TRPM8: variants seen among roughly 807,000 people sequenced by gnomAD.
TRPM8 encodes the protein transient receptor potential cation channel subfamily M member 8.
TRPM8 carries 110 observed loss-of-function variants against 133.7 expected under a neutral mutation model. The observed-to-expected ratio is 0.82, with a 90% CI of 0.70 to 0.96. TRPM8 has a LOEUF of 0.96. Ranked by LOEUF, TRPM8 falls within the 40% of genes least tolerant of loss-of-function variation. The pLI, the probability that TRPM8 is intolerant of heterozygous loss-of-function variation, is 0.00. For missense variants in TRPM8, 1,291 were observed against 1,379.5 expected, an observed-to-expected ratio of 0.94 and a Z score of 1.02; for synonymous variants, 535 against 532.3, an observed-to-expected ratio of 1.01 and a Z score of -0.07.
chr2:233,945,937 C>A lies in TRPM8; in HGVS notation c.781C>A (p.Leu261Met), dbSNP rs1691032447. The A allele has an allele frequency of 6.2e-7, 1 of 1,614,032 alleles. No homozygotes were observed. The highest frequency in any genetic ancestry group is 1.7e-5 in the Admixed American group (1 of 59,994). ...CCTGGACAACAACCACACACATTTG[C>A]TGCTCGTGGACAATGGCTGTCATGG... is the stretch of plus-strand genomic sequence containing the variant. ...YILDNNHTHL[L>M]LVDNGCHGHP... Residue 261 changes from leucine (L) to methionine (M), a missense_variant, in exon 7 of 26, where the codon CTG (leucine) becomes ATG (methionine). This residue lies in a region of TRPM8 where 963 missense variants were observed against 968.9 expected (regional missense o/e 0.99). Coordinates refer to ENST00000324695, the MANE Select transcript of TRPM8 (RefSeq NM_024080.5).
At chr2:233,964,840 T>C (rs1003815802) in intron 14 of TRPM8, 83 bp downstream of exon 14, 1 of 1,432,008 alleles carries the variant, frequency 7.0e-7, no homozygotes, top group Non-Finnish European at 9.4e-7. Context: ...ATAGACCAGA[T>C]GGTGGAGGTC....
chr2:233,981,499 T>A (rs973982678), intron 18 of TRPM8, among the ~76,000 whole-genome samples: 1 of 152,108 alleles, frequency 6.6e-6, no homozygotes, highest in African/African-American at 2.4e-5. Flanking sequence ...GTTCCTGCTG[T>A]AGTGTGTGAG....
In TRPM8 at chr2:233,945,872, A is replaced by G. The variant is rs760205900; in HGVS notation, c.716A>G (p.Gln239Arg). Reference sequence around the variant, plus strand: ...ACTTTTCAGGGCTATTTTTTAGCCCAGTACCTTATGGATGACTTCACAAGA... The same window carrying G: ...ACTTTTCAGGGCTATTTTTTAGCCCGGTACCTTATGGATGACTTCACAAGA... ...NCDAEGYFLAQYLMDDFTRDP... is the reference protein window; with the variant it reads ...NCDAEGYFLARYLMDDFTRDP... The change falls in exon 7 of 26, where the codon CAG (glutamine) becomes CGG (arginine). Residue 239 changes from glutamine (Q) to arginine (R), a missense_variant. By Grantham distance (43) the Gln-to-Arg change is conservative. Transcript: ENST00000324695. 2.5e-6 allele frequency: 4 copies of G among 1,613,774 alleles called. No homozygotes were observed. The highest frequency in any genetic ancestry group is 3.4e-6 in the Non-Finnish European group (4 of 1,179,794).
chr2:234,016,602 T>A (rs1317311875), intron 25 of TRPM8, among the ~76,000 whole-genome samples: 1 of 152,144 alleles, frequency 6.6e-6, no homozygotes. Flanking sequence ...CCTGTACCAA[T>A]TCCCCCATCT....
rs1215407174 is a variant in TRPM8 at position 233,987,944 on chromosome 2, C to T, written c.2939+2079C>T. Among the ~76,000 whole-genome samples, 3 of 151,826 alleles carry T rather than the reference C, an allele frequency of 2.0e-5. 1 individual carries two copies. The highest frequency in any genetic ancestry group is 4.1e-4 in the South Asian group (2 of 4,824). On this transcript the variant is annotated intron_variant, in intron 21 of 25. Coordinates refer to ENST00000324695, the MANE Select transcript of TRPM8 (RefSeq NM_024080.5). ...ATCATGATTGTGAGGCCTCCCCAGC[C>T]ACGTGGAACTGTGAGTCCATTAAAC...
At chr2:233,948,593 T>A (rs1691099051) in intron 8 of TRPM8, among the ~76,000 whole-genome samples, 1 of 152,218 alleles carries the variant, frequency 6.6e-6, no homozygotes, top group Admixed American at 6.5e-5. Flanking sequence ...GAATGAAGAT[T>A]TCTTGGCCTA....
intron 24 of TRPM8, among the ~76,000 whole-genome samples, chr2:234,009,730 CCTT>C (rs1692788092): frequency 1.3e-5 from 2 of 152,256 alleles, no homozygotes; most frequent in Admixed American, 6.5e-5. Flanking sequence ...AAAAATCCCT[CCTT>C]CTTTTTACTC....
At chr2:233,979,229 T>C (rs1691945652) in intron 17 of TRPM8, among the ~76,000 whole-genome samples, 2 of 152,256 alleles carry the variant, frequency 1.3e-5, no homozygotes, top group Non-Finnish European at 2.9e-5. Flanking sequence ...GGTTTCCATA[T>C]GTGAATTCAC....
chr2:233,946,777 T>C lies in TRPM8; in HGVS notation c.875-311T>C, dbSNP rs111846710. 8.4e-3 allele frequency among the ~76,000 whole-genome samples: 1,286 copies of C among 152,342 alleles called. 12 individuals are homozygous for C. Among genetic ancestry groups the C allele is most frequent in the African/African-American group, 0.027 (1,132 of 41,580 alleles). ...TAGGATTATAGGAAAGCATCATTAT[T>C]ATAAGGATAAACTTAAACCTAGTTT... On this transcript the variant is annotated intron_variant, in intron 7 of 25. Transcript: ENST00000324695.
chr2:233,984,386 G>A (rs193145457), intron 20 of TRPM8, among the ~76,000 whole-genome samples: 46 of 152,196 alleles, frequency 3.0e-4, no homozygotes, highest in African/African-American at 1.0e-3. Flanking sequence ...TAATAAAAGG[G>A]TCTTGATGCC....
At chr2:234,016,448 GC>G (rs1025392055) in intron 25 of TRPM8, among the ~76,000 whole-genome samples, 2 of 152,152 alleles carry the variant, frequency 1.3e-5, no homozygotes, top group Admixed American at 1.3e-4. Flanking sequence ...GGTATGCTCT[GC>G]CAGTGTCTCC....
chr2:233,919,398 A>G (rs1691366813), intron 1 of TRPM8, among the ~76,000 whole-genome samples: 1 of 152,078 alleles, frequency 6.6e-6, no homozygotes, highest in Non-Finnish European at 1.5e-5. Context: ...ATGACAATCT[A>G]TTTCTTCTCA....
At chr2:233,957,492 A>G (rs1574723291) in intron 11 of TRPM8, among the ~76,000 whole-genome samples, 1 of 152,204 alleles carries the variant, frequency 6.6e-6, no homozygotes, top group East Asian at 1.9e-4. Context: ...TTGTCTCAAA[A>G]CAAACAAACA....
chr2:233,926,383 C>T (rs1691515888), intron 1 of TRPM8, 150 bp from the exon 2 acceptor site: 2 of 654,374 alleles, frequency 3.1e-6, no homozygotes, highest in Non-Finnish European at 5.5e-6. Flanking sequence ...GGGGCAGAGG[C>T]ACAATGACCA....
Position 234,018,215 on chromosome 2 carries a change from A to G in TRPM8, c.*959A>G, listed in dbSNP as rs1414589012. 6.6e-6 allele frequency: 1 copy of G among 152,056 alleles called. No individual in the cohort carries two copies. Among genetic ancestry groups the G allele is most frequent in the African/African-American group, 2.4e-5 (1 of 41,424 alleles). 9.4% of individuals were successfully genotyped at this position (152,056 alleles called of 1,614,324 possible). On this transcript the variant is annotated 3_prime_UTR_variant, in exon 26 of 26. Coordinates refer to ENST00000324695, the MANE Select transcript of TRPM8 (RefSeq NM_024080.5). ...TTTTATGTAAGCTTTTTCACTTAGT[A>G]TTTTATCAAATATGTTTTTATTATA...
At chr2:233,932,486 C>G (rs548032660) in intron 3 of TRPM8, among the ~76,000 whole-genome samples, 3 of 152,104 alleles carry the variant, frequency 2.0e-5, no homozygotes, top group Non-Finnish European at 4.4e-5. Flanking sequence ...TGTTGATTGG[C>G]AAGGCTTGGG....
chr2:233,942,939 A>G (rs1422886195), intron 6 of TRPM8, 191 bp downstream of exon 6: 2 of 629,976 alleles, frequency 3.2e-6, no homozygotes, highest in African/African-American at 1.8e-5. Flanking sequence ...CTGCTGGGAA[A>G]GAGTTAACAA....
At chr2:233,941,026 C>A (rs1190258960) in intron 5 of TRPM8, among the ~76,000 whole-genome samples, 1 of 152,114 alleles carries the variant, frequency 6.6e-6, no homozygotes, top group East Asian at 1.9e-4. Flanking sequence ...GCCCTCTGAC[C>A]TCGAAAGGTC....
At chr2:233,930,820 C>T in intron 3 of TRPM8, 79 bp downstream of exon 3, 1 of 865,418 alleles carries the variant, frequency 1.2e-6, no homozygotes, top group Non-Finnish European at 1.9e-6. Flanking sequence ...AACAAATGCT[C>T]CCTAGTTCAT....
Sources: gnomAD v4.1 joint callset for allele counts (sites outside exome capture counted in the v4.1 genomes callset) on GRCh38, gnomAD v4.1.1 for gene constraint, gnomAD v4.1.1 regional missense constraint, MANE v1.5 for transcripts, NCBI Gene and HGNC (gene_info 2026-07-23, HGNC 2026-07-21) for gene names.